The following HTR4 variants were observed in gnomAD, a reference collection of about 807,000 sequenced individuals.
The protein encoded by HTR4 is 5-hydroxytryptamine (serotonin) receptor 4, G protein-coupled.
Under a neutral mutation model 36.8 loss-of-function variants are expected in HTR4, and 16 were observed. The observed-to-expected ratio is 0.43, with a 90% CI of 0.29 to 0.66. The LOEUF is 0.66. Ranked by LOEUF, HTR4 falls within the 30% of genes least tolerant of loss-of-function variation. The pLI is 0.13. For synonymous variants in HTR4, 189 were observed against 185.1 expected, an observed-to-expected ratio of 1.02 and a Z score of -0.17; for missense variants, 438 against 490.9, an observed-to-expected ratio of 0.89 and a Z score of 1.02.
chr5:148,604,309 G>C (rs980766455), intron 2 of HTR4, among the ~76,000 whole-genome samples: 1 of 152,024 alleles, frequency 6.6e-6, no homozygotes, highest in African/African-American at 2.4e-5. Flanking sequence ...ATAACAATAT[G>C]AAGAGAAGCA....
intron 2 of HTR4, among the ~76,000 whole-genome samples, chr5:148,570,238 T>C (rs1019261873): frequency 3.3e-5 from 5 of 152,112 alleles, no homozygotes; most frequent in Admixed American, 3.3e-4. Flanking sequence ...ACCAACTTAA[T>C]CATATCTAGA....
intron 2 of HTR4, among the ~76,000 whole-genome samples, chr5:148,605,518 A>T (rs1187441665): frequency 6.6e-6 from 1 of 151,752 alleles, no homozygotes; most frequent in Non-Finnish European, 1.5e-5. Flanking sequence ...TCGGCCTCTG[A>T]AACTGCTGGG....
rs1282843354 is a variant in HTR4 at position 148,482,553 on chromosome 5, A to T, written c.*650T>A. ...ATAAATGGAGCATGTCCTGAAGAGG[A>T]GGACAGACATTGGACATAAGGAAGA... On this transcript the variant is annotated 3_prime_UTR_variant, in exon 7 of 7. Transcript: ENST00000377888. 1.0e-6 allele frequency: 1 copy of T among 985,914 alleles called. No individual in the cohort carries two copies. Among genetic ancestry groups the T allele is most frequent in the East Asian group, 1.1e-4 (1 of 8,820 alleles). 61.1% of individuals were successfully genotyped at this position (985,914 alleles called of 1,614,324 possible). A position where few individuals can be genotyped will look rare whatever the true frequency, so the allele number is the denominator to read the frequency against.
chr5:148,517,404 A>G (rs77301065), intron 5 of HTR4, among the ~76,000 whole-genome samples: 5,668 of 152,048 alleles, frequency 0.037, 171 homozygotes, highest in South Asian at 0.11. Context: ...ACCTCCTAGG[A>G]ACTGCAGAAT....
intron 2 of HTR4, among the ~76,000 whole-genome samples, chr5:148,620,011 C>T (rs543394017): frequency 7.9e-5 from 12 of 152,140 alleles, no homozygotes; most frequent in African/African-American, 2.2e-4. Context: ...ATAGACAAGC[C>T]GAGTTTGAGA....
intron 4 of HTR4, among the ~76,000 whole-genome samples, chr5:148,523,668 T>C (rs1424944058): frequency 6.6e-6 from 1 of 152,136 alleles, no homozygotes; most frequent in Non-Finnish European, 1.5e-5. Context: ...AATATAAATA[T>C]TAATATATAC....
chr5:148,653,761 T>C (rs1371650397), intron 1 of HTR4, among the ~76,000 whole-genome samples: 4 of 152,120 alleles, frequency 2.6e-5, no homozygotes, highest in Admixed American at 6.5e-5. Context: ...AATCTTTACA[T>C]ACACAACCTC....
At chr5:148,641,115 G>A (rs1753716876) in intron 1 of HTR4, among the ~76,000 whole-genome samples, 1 of 152,184 alleles carries the variant, frequency 6.6e-6, no homozygotes, top group Non-Finnish European at 1.5e-5. Context: ...ATCTCTTGCT[G>A]GGAAGATTGC....
At chr5:148,506,261 CAA>C (rs1757205803) in intron 6 of HTR4, among the ~76,000 whole-genome samples, 1 of 152,124 alleles carries the variant, frequency 6.6e-6, no homozygotes, top group African/African-American at 2.4e-5. Flanking sequence ...CTGACAAAAA[CAA>C]GAAATGCGGA....
chr5:148,626,941 A>G (rs1321608199), intron 2 of HTR4, among the ~76,000 whole-genome samples: 1 of 152,164 alleles, frequency 6.6e-6, no homozygotes, highest in Non-Finnish European at 1.5e-5. Context: ...ATCAACATCA[A>G]ACTAAGTCCT....
At chr5:148,480,417 T>G (rs1276799355), downstream of HTR4, among the ~76,000 whole-genome samples, 4 of 152,234 alleles carry the variant, frequency 2.6e-5, no homozygotes, top group East Asian at 7.7e-4. Flanking sequence ...CTCACTCTAT[T>G]GCCCAGGCTG....
chr5:148,523,396 G>A, intron 4 of HTR4, 50 bp from the exon 5 acceptor site: 1 of 1,491,116 alleles, frequency 6.7e-7, no homozygotes, highest in South Asian at 1.3e-5. Flanking sequence ...GGAGGAATGG[G>A]AGGGAGAGAA....
intron 1 of HTR4, among the ~76,000 whole-genome samples, chr5:148,639,324 GC>G (rs1001145722): frequency 6.6e-6 from 1 of 151,734 alleles, no homozygotes; most frequent in Non-Finnish European, 1.5e-5. Context: ...ACATGATCTG[GC>G]CCCCACTCTT....
downstream of HTR4, among the ~76,000 whole-genome samples, chr5:148,477,848 T>C (rs1440870629): frequency 6.6e-6 from 1 of 152,160 alleles, no homozygotes; most frequent in Non-Finnish European, 1.5e-5. Context: ...TCCCTTCGCC[T>C]GACTTGATAT....
intron 5 of HTR4, among the ~76,000 whole-genome samples, chr5:148,512,290 A>G (rs1757531301): frequency 6.6e-6 from 1 of 152,160 alleles, no homozygotes. Context: ...AATCAAATCT[A>G]AGTTTATTAC....
At chr5:148,626,556 A>T (rs1328634930) in intron 2 of HTR4, among the ~76,000 whole-genome samples, 1 of 152,236 alleles carries the variant, frequency 6.6e-6, no homozygotes, top group African/African-American at 2.4e-5. Context: ...TTTACCAATG[A>T]ATACACAACA....
chr5:148,612,634 C>T (rs1336058925), intron 2 of HTR4, among the ~76,000 whole-genome samples: 2 of 118,082 alleles, frequency 1.7e-5, no homozygotes, highest in African/African-American at 6.7e-5. Flanking sequence ...AAAGCAAGAG[C>T]AAACACATTC....
At chr5:148,472,119 C>A (rs1325490747), downstream of HTR4, among the ~76,000 whole-genome samples, 1 of 152,186 alleles carries the variant, frequency 6.6e-6, no homozygotes, top group Non-Finnish European at 1.5e-5. Context: ...GCCACAGTGA[C>A]CAGCATTCAG....
intron 6 of HTR4, among the ~76,000 whole-genome samples, chr5:148,498,542 G>A (rs1756787807): frequency 1.3e-5 from 2 of 152,104 alleles, no homozygotes; most frequent in African/African-American, 4.8e-5. Flanking sequence ...AGTTCCTAGA[G>A]AAGAGGAAGC....
Sources: gnomAD v4.1 joint callset for allele counts (sites outside exome capture counted in the v4.1 genomes callset) on GRCh38, gnomAD v4.1.1 for gene constraint, MANE v1.5 for transcripts, NCBI Gene and HGNC (gene_info 2026-07-23, HGNC 2026-07-21) for gene names.